Variants in RAPGEF4 observed in about 807,000 individuals in gnomAD.
RAPGEF4 encodes Rap guanine nucleotide exchange factor 4, also known as RAP guanine-nucleotide-exchange factor (GEF) 4.
In RAPGEF4, 66 loss-of-function variants were observed where a neutral mutation model predicts 147.9. That is an observed-to-expected ratio of 0.45 (90% CI 0.37 to 0.55). RAPGEF4 has a LOEUF of 0.55. Among genes scored for constraint, RAPGEF4 ranks in the 20% least tolerant of loss-of-function variants. RAPGEF4 has a pLI of 0.00. For missense variants in RAPGEF4, 1,071 were observed against 1,257.3 expected, an observed-to-expected ratio of 0.85 and a Z score of 2.24; for synonymous variants, 419 against 442.7, an observed-to-expected ratio of 0.95 and a Z score of 0.67.
intron 3 of RAPGEF4, among the ~76,000 whole-genome samples, chr2:172,798,200 A>T (rs1250552506): frequency 1.3e-5 from 2 of 152,178 alleles, no homozygotes; most frequent in African/African-American, 4.8e-5. Context: ...GGAGTTTGGC[A>T]TCCTAGTAGA....
chr2:172,770,248 C>A (rs1163735590), intron 1 of RAPGEF4, among the ~76,000 whole-genome samples: 2 of 152,176 alleles, frequency 1.3e-5, no homozygotes, highest in Non-Finnish European at 2.9e-5. Context: ...TATCTGCCTG[C>A]CTGGGGCAGT....
intron 23 of RAPGEF4, 24 bp downstream of exon 23, chr2:173,020,739 A>G: frequency 6.3e-7 from 1 of 1,581,166 alleles, no homozygotes; most frequent in Non-Finnish European, 8.7e-7. Flanking sequence ...GCCTGCTCAG[A>G]GCAGCATTGC....
intron 1 of RAPGEF4, among the ~76,000 whole-genome samples, chr2:172,761,493 A>G (rs1438300517): frequency 6.6e-6 from 1 of 152,170 alleles, no homozygotes; most frequent in Non-Finnish European, 1.5e-5. Flanking sequence ...TCAACCCAGA[A>G]TTCTATACCC....
chr2:172,841,418 G>A (rs988419777), intron 4 of RAPGEF4, among the ~76,000 whole-genome samples: 1 of 152,136 alleles, frequency 6.6e-6, no homozygotes, highest in South Asian at 2.1e-4. Flanking sequence ...AGATCCATGA[G>A]CCAAACAAAC....
At chr2:172,819,686 C>A (rs940930386) in intron 4 of RAPGEF4, among the ~76,000 whole-genome samples, 1 of 151,704 alleles carries the variant, frequency 6.6e-6, no homozygotes, top group Admixed American at 6.6e-5. Flanking sequence ...AGGATGGTCT[C>A]GATCTCCTGA....
At chr2:172,922,085 G>C (rs528008030) in intron 5 of RAPGEF4, among the ~76,000 whole-genome samples, 196 bp from the exon 6 acceptor site, 1 of 152,318 alleles carries the variant, frequency 6.6e-6, no homozygotes, top group South Asian at 2.1e-4. Flanking sequence ...ACATGGCCCT[G>C]CTCCTGATTC....
intron 3 of RAPGEF4, 43 bp downstream of exon 3, chr2:172,797,656 A>T: frequency 9.1e-6 from 13 of 1,424,970 alleles, no homozygotes; most frequent in Non-Finnish European, 1.2e-5. Context: ...TATTTTTTTT[A>T]AAGACTTATT....
At chr2:172,781,290 G>C (rs1039324292) in intron 1 of RAPGEF4, among the ~76,000 whole-genome samples, 2 of 152,162 alleles carry the variant, frequency 1.3e-5, no homozygotes, top group Non-Finnish European at 2.9e-5. Context: ...GTAGCCTCCA[G>C]CCAGAAGCCA....
intron 6 of RAPGEF4, among the ~76,000 whole-genome samples, chr2:172,939,874 G>C (rs1047125435): frequency 1.3e-5 from 2 of 152,012 alleles, no homozygotes; most frequent in African/African-American, 4.8e-5. Context: ...TCCATTTCTT[G>C]AAAAGACTGT....
chr2:172,756,688 C>T (rs1695811127), intron 1 of RAPGEF4, among the ~76,000 whole-genome samples: 2 of 152,180 alleles, frequency 1.3e-5, no homozygotes, highest in Non-Finnish European at 2.9e-5. Flanking sequence ...TAGGGCACTG[C>T]ACCTTGCATC....
intron 1 of RAPGEF4, among the ~76,000 whole-genome samples, chr2:172,786,448 T>A (rs536599712): frequency 6.6e-6 from 1 of 152,304 alleles, no homozygotes; most frequent in Admixed American, 6.5e-5. Context: ...AGCAGTATAG[T>A]TTACTGAGTG....
chr2:172,964,575 T>G (rs1360138690), intron 8 of RAPGEF4, among the ~76,000 whole-genome samples: 2 of 152,064 alleles, frequency 1.3e-5, no homozygotes, highest in African/African-American at 4.8e-5. Context: ...CAATTTCAAC[T>G]AGAGAGGAGC....
chr2:173,007,795 C>T (rs958504727), intron 17 of RAPGEF4, among the ~76,000 whole-genome samples: 3 of 152,128 alleles, frequency 2.0e-5, no homozygotes, highest in Admixed American at 1.3e-4. Flanking sequence ...GTCAGAATGT[C>T]AGGCTGCTCC....
chr2:172,836,547 G>C (rs1690953928), intron 4 of RAPGEF4, among the ~76,000 whole-genome samples: 1 of 152,214 alleles, frequency 6.6e-6, no homozygotes, highest in African/African-American at 2.4e-5. Flanking sequence ...GTATTGTCCT[G>C]AGGTGTGGCG....
intron 4 of RAPGEF4, among the ~76,000 whole-genome samples, chr2:172,832,355 A>G (rs984545625): frequency 3.9e-5 from 6 of 152,218 alleles, no homozygotes; most frequent in African/African-American, 7.2e-5. Flanking sequence ...TTCAAACAGT[A>G]CAGACAAGGC....
intron 4 of RAPGEF4, among the ~76,000 whole-genome samples, chr2:172,903,951 C>A (rs1699354540): frequency 6.6e-6 from 1 of 152,156 alleles, no homozygotes; most frequent in Admixed American, 6.5e-5. Context: ...CCTGGCATGC[C>A]ACCCTTGGAG....
chr2:172,881,394 G>T (rs1305767708), intron 4 of RAPGEF4, among the ~76,000 whole-genome samples: 1 of 152,144 alleles, frequency 6.6e-6, no homozygotes, highest in Non-Finnish European at 1.5e-5. Flanking sequence ...CACATTGGTT[G>T]AATTCTTTCC....
chr2:172,994,804 T>G (rs1258004990), intron 15 of RAPGEF4, among the ~76,000 whole-genome samples: 1 of 152,236 alleles, frequency 6.6e-6, no homozygotes, highest in East Asian at 1.9e-4. Flanking sequence ...AACCATTGTC[T>G]TCTACCTTAT....
intron 4 of RAPGEF4, among the ~76,000 whole-genome samples, chr2:172,819,512 C>T (rs1414064489): frequency 2.3e-5 from 3 of 132,282 alleles, no homozygotes; most frequent in African/African-American, 9.0e-5. Context: ...GTCGCCCAGG[C>T]TGGAGTGCAG....
Sources: allele counts gnomAD v4.1 joint callset (sites outside exome capture counted in the v4.1 genomes callset), GRCh38; gene constraint gnomAD v4.1.1; transcripts MANE v1.5; gene names NCBI Gene and HGNC (gene_info 2026-07-23, HGNC 2026-07-21).